UBE2Z: variants seen among roughly 807,000 people sequenced by gnomAD.
UBE2Z encodes ubiquitin conjugating enzyme E2 Z, also known as ubiquitin-conjugating enzyme E2 Z.
Under a neutral mutation model 32.6 loss-of-function variants are expected in UBE2Z, and 10 were observed. That is an observed-to-expected ratio of 0.31 (90% CI 0.19 to 0.52). The LOEUF (loss-of-function observed/expected upper bound fraction) is 0.52. Ranked by LOEUF, UBE2Z falls within the 20% of genes least tolerant of loss-of-function variation. The pLI, the probability that UBE2Z is intolerant of heterozygous loss-of-function variation, is 0.97. For synonymous variants in UBE2Z, 183 were observed against 190.8 expected, an observed-to-expected ratio of 0.96 and a Z score of 0.34; for missense variants, 343 against 480.9, an observed-to-expected ratio of 0.71 and a Z score of 2.68.
chr17:48,917,868 C>T (rs1194769868), intron 4 of UBE2Z, among the ~76,000 whole-genome samples: 1 of 152,118 alleles, frequency 6.6e-6, no homozygotes, highest in East Asian at 1.9e-4. Context: ...TACTCATGAG[C>T]ACGGGAAAAA....
intron 6 of UBE2Z, among the ~76,000 whole-genome samples, chr17:48,923,553 A>C (rs1382215727): frequency 6.6e-6 from 1 of 151,606 alleles, no homozygotes; most frequent in Non-Finnish European, 1.5e-5. Flanking sequence ...AATCGCTTGA[A>C]CCTGGGAGGC....
chr17:48,916,250 G>GTTTTTT (rs1234372680), intron 4 of UBE2Z, 63 bp downstream of exon 4: 133 of 517,624 alleles, frequency 2.6e-4, no homozygotes, highest in East Asian at 6.6e-4. Flanking sequence ...TGGTTGGTTG[G>GTTTTTT]TTTTTTTGTT....
rs758061472 is a variant in UBE2Z, at chr17:48,927,192, C to T, written c.*58C>T. 6 of 1,563,418 alleles carry T rather than the reference C, an allele frequency of 3.8e-6. No individual in the cohort carries two copies. Among genetic ancestry groups the T allele is most frequent in the East Asian group, 4.6e-5 (2 of 43,924 alleles). On this transcript the variant is annotated 3_prime_UTR_variant, in exon 7 of 7. Transcript: ENST00000360943. Reference sequence around the variant, plus strand: ...GAGTCCCAGCAGAATCCCTTCCCCCCACCCCAGGGATGGAGAGGCACTGTG... The same window carrying T: ...GAGTCCCAGCAGAATCCCTTCCCCCTACCCCAGGGATGGAGAGGCACTGTG...
Position 48,908,749 on chromosome 17 carries a change from C to G in UBE2Z, c.246C>G (p.His82Gln). 6.7e-7 allele frequency: 1 copy of G among 1,497,314 alleles called. No individual in the cohort carries two copies. Among genetic ancestry groups the G allele is most frequent in the Non-Finnish European group, 8.9e-7 (1 of 1,127,906 alleles). 92.8% of individuals were successfully genotyped at this position (1,497,314 alleles called of 1,614,324 possible). Reference protein sequence around the residue: ...AAAHGAALLSHWDPTLSSDWD... With the variant: ...AAAHGAALLSQWDPTLSSDWD... ...CCCACGGGGCCGCGCTGCTTAGCCA[C>G]TGGGACCCCACGCTCAGCTCCGACT... The change falls in exon 1 of 7, where the codon CAC (histidine) becomes CAG (glutamine). Residue 82 changes from histidine to glutamine, a missense_variant. Around this residue, in one of 4 missense-constraint regions of UBE2Z, gnomAD observed 55 missense variants for 56.2 expected, o/e 0.98. Coordinates refer to ENST00000360943, the MANE Select transcript of UBE2Z (RefSeq NM_023079.5).
chr17:48,921,492 C>T (rs556775419), intron 5 of UBE2Z, among the ~76,000 whole-genome samples: 8 of 152,172 alleles, frequency 5.3e-5, no homozygotes, highest in East Asian at 2.0e-4. Flanking sequence ...GCAGTCCACA[C>T]GCTCAGGGAG....
At chr17:48,926,606 C>T (rs146175520) in intron 6 of UBE2Z, among the ~76,000 whole-genome samples, 1,921 of 152,040 alleles carry the variant, frequency 0.013, 46 homozygotes, top group African/African-American at 0.044. Flanking sequence ...CTCAGCCTCC[C>T]GAGTAGCTGG....
At chr17:48,913,841 C>T (rs1567777814) in intron 3 of UBE2Z, among the ~76,000 whole-genome samples, 2 of 152,030 alleles carry the variant, frequency 1.3e-5, no homozygotes, top group African/African-American at 4.8e-5. Flanking sequence ...AAGGCAGTGG[C>T]GGTGGTGGTG....
chr17:48,917,167 G>T (rs1445770276), intron 4 of UBE2Z, among the ~76,000 whole-genome samples: 2 of 152,256 alleles, frequency 1.3e-5, no homozygotes, highest in South Asian at 4.1e-4. Flanking sequence ...TTAGCTGGGT[G>T]TGGTGGCAGG....
rs1240443570 is a variant in UBE2Z, at chr17:48,929,037, TAA to T, written c.*1905_*1906del. 2.6e-5 allele frequency: 4 copies of T among 152,602 alleles called. No homozygotes were observed. The highest frequency in any genetic ancestry group is 5.9e-5 in the Non-Finnish European group (4 of 68,058). The allele number at this position is 152,602 out of a possible 1,614,324, so 9.5% of individuals were successfully genotyped here. Reference sequence around the variant, plus strand: ...TTTTTTGTTTTCCTTTTTGGTGCAATAAAGTTTGTTTTGGCAGAAGGAGGAAG... The same window carrying T: ...TTTTTTGTTTTCCTTTTTGGTGCAATAGTTTGTTTTGGCAGAAGGAGGAAG... On this transcript the variant is annotated 3_prime_UTR_variant, in exon 7 of 7. Coordinates refer to ENST00000360943, the MANE Select transcript of UBE2Z (RefSeq NM_023079.5).
At position 48,926,864 on chromosome 17, in the gene UBE2Z, CAG is replaced by C. The variant is rs2040802117; in HGVS notation, c.895-98_895-97del. The C allele has an allele frequency of 2.2e-5, 29 of 1,345,746 alleles. No homozygotes were observed. In the South Asian group the frequency reaches 2.9e-4, roughly 13 times the overall value. 83.4% of individuals were successfully genotyped at this position (1,345,746 alleles called of 1,614,324 possible). On this transcript the variant is annotated intron_variant, in intron 6 of 6. Transcript: ENST00000360943. ...GTTAGGCCTTCCTGCTCCCATGGCT[CAG>C]AAGTTGAGCTTTCATTTCACATGGG...
chr17:48,917,151 A>G (rs1245164928), intron 4 of UBE2Z, among the ~76,000 whole-genome samples: 1 of 152,060 alleles, frequency 6.6e-6, no homozygotes, highest in Non-Finnish European at 1.5e-5. Context: ...CTAAAAATAC[A>G]AAAAATTAGC....
chr17:48,921,172 G>A lies in UBE2Z; in HGVS notation c.703G>A (p.Gly235Arg). 6.2e-7 allele frequency: 1 copy of A among 1,610,854 alleles called. No homozygotes were observed. The highest frequency in any genetic ancestry group is 8.5e-7 in the Non-Finnish European group (1 of 1,178,492). Residue 235 changes from glycine to arginine, a missense_variant, in exon 5 of 7, where the codon GGA becomes AGA. Gly to Arg is a moderately radical substitution (Grantham distance 125). Coordinates refer to ENST00000360943, the MANE Select transcript of UBE2Z (RefSeq NM_023079.5). ...TGTTACATTATAGGAGAGACATCCA[G>A]GAGACAGCAAAAACTATAATGAATG... ...EPGFEQERHP[G>R]DSKNYNECIR...
rs2040692250 is a variant in UBE2Z, at chr17:48,913,138, C to A, written c.578+117C>A. ...CAGAACACAGAAAATGATTGAGTGACTCTTCTCAAATCTCCTCAGGATGGT... is the reference window on the plus strand; with the variant it reads ...CAGAACACAGAAAATGATTGAGTGAATCTTCTCAAATCTCCTCAGGATGGT... On this transcript the variant is annotated intron_variant, in intron 3 of 6. Transcript: ENST00000360943. The A allele has an allele frequency of 2.9e-6, 3 of 1,032,782 alleles. No homozygotes were observed. The South Asian group carries it at 4.7e-5, about 16-fold the overall frequency. The allele number at this position is 1,032,782 out of a possible 1,614,324, so 64.0% of individuals were successfully genotyped here. A position where few individuals can be genotyped will look rare whatever the true frequency, so the allele number is the denominator to read the frequency against.
chr17:48,913,623 G>A (rs531839069), intron 3 of UBE2Z, among the ~76,000 whole-genome samples: 1 of 152,264 alleles, frequency 6.6e-6, no homozygotes, highest in East Asian at 1.9e-4. Flanking sequence ...AAAGTGCTGG[G>A]ATTAGAGGCA....
intron 5 of UBE2Z, among the ~76,000 whole-genome samples, chr17:48,922,024 C>A (rs1176808743): frequency 6.6e-6 from 1 of 151,928 alleles, no homozygotes; most frequent in East Asian, 1.9e-4. Flanking sequence ...CAAGACCCTG[C>A]CTCAAAAAGA....
At position 48,921,030 on chromosome 17, in the gene UBE2Z, A is replaced by G. The variant is rs548762844; in HGVS notation, c.691-130A>G. 15 of 686,452 alleles carry G rather than the reference A, an allele frequency of 2.2e-5. No homozygotes were observed. In the African/African-American group the frequency reaches 2.3e-4, roughly 11 times the overall value. The allele number at this position is 686,452 out of a possible 1,614,324, so 42.5% of individuals were successfully genotyped here. ...TGTGGTTGCTCTTCATGGATCTGCC[A>G]TACAGTGGGAAAGGTATCTTTTTAG... On this transcript the variant is annotated intron_variant, in intron 4 of 6. Coordinates refer to ENST00000360943, the MANE Select transcript of UBE2Z (RefSeq NM_023079.5).
chr17:48,919,176 G>A (rs951143996), intron 4 of UBE2Z, among the ~76,000 whole-genome samples: 2 of 151,920 alleles, frequency 1.3e-5, no homozygotes, highest in East Asian at 3.9e-4. Context: ...AGTAGAGACG[G>A]GGTTTCACTG....
At chr17:48,909,227 CCACCCATCGGT>C (rs1490839311) in intron 1 of UBE2Z, among the ~76,000 whole-genome samples, 2 of 151,520 alleles carry the variant, frequency 1.3e-5, no homozygotes, top group Non-Finnish European at 2.9e-5. Context: ...CCCGCAGGCC[CCACCCATCGGT>C]CCCCTCTCTT....
In UBE2Z at chr17:48,927,309, T is replaced by G; in HGVS notation, c.*175T>G. The G allele has an allele frequency of 3.0e-6, 2 of 667,998 alleles. No individual in the cohort carries two copies. Among genetic ancestry groups the G allele is most frequent in the Non-Finnish European group, 5.0e-6 (2 of 400,560 alleles). 41.4% of individuals were successfully genotyped at this position (667,998 alleles called of 1,614,324 possible). A position where few individuals can be genotyped will look rare whatever the true frequency, so the allele number is the denominator to read the frequency against. ...TGTGGGAGTGGGGGCCTGTTCCCGG[T>G]CTGACCTCCTTGGCACTGGAGCATC... On this transcript the variant is annotated 3_prime_UTR_variant, in exon 7 of 7. Coordinates refer to ENST00000360943, the MANE Select transcript of UBE2Z (RefSeq NM_023079.5).
Sources: allele counts gnomAD v4.1 joint callset (sites outside exome capture counted in the v4.1 genomes callset), GRCh38; gene constraint gnomAD v4.1.1; regional missense constraint gnomAD v4.1.1; transcripts MANE v1.5; gene names NCBI Gene and HGNC (gene_info 2026-07-23, HGNC 2026-07-21).